The following MSRA variants were observed in gnomAD, a reference collection of about 807,000 sequenced individuals.
MSRA encodes mitochondrial peptide methionine sulfoxide reductase.
In MSRA, 54 loss-of-function variants were observed where a neutral mutation model predicts 31.3. The observed-to-expected ratio is 1.73, with a 90% CI of 1.39 to 2.17. The LOEUF (loss-of-function observed/expected upper bound fraction) is 2.17. MSRA is among the 30% of genes most tolerant of loss of function. The probability of loss-of-function intolerance (pLI) is 0.00; values close to 1 mark genes in which losing one functional copy is unlikely to be tolerated. For synonymous variants in MSRA, 169 were observed against 116.5 expected, an observed-to-expected ratio of 1.45 and a Z score of -2.90; for missense variants, 507 against 300.9, an observed-to-expected ratio of 1.69 and a Z score of -5.07.
intron 5 of MSRA, among the ~76,000 whole-genome samples, chr8:10,397,635 G>A (rs1807180317): frequency 1.3e-5 from 2 of 152,220 alleles, no homozygotes; most frequent in Non-Finnish European, 2.9e-5. Context: ...AACAGGTGAT[G>A]TCTGCTTTGG....
At chr8:10,387,871 A>G (rs1218423629) in intron 5 of MSRA, among the ~76,000 whole-genome samples, 1 of 152,180 alleles carries the variant, frequency 6.6e-6, no homozygotes, top group Non-Finnish European at 1.5e-5. Context: ...AAGGTGGTTT[A>G]GAAAGTCTTT....
chr8:10,264,410 T>G (rs1798637779), intron 3 of MSRA, among the ~76,000 whole-genome samples: 1 of 152,266 alleles, frequency 6.6e-6, no homozygotes, highest in African/African-American at 2.4e-5. Context: ...TATATTTGAT[T>G]CTAGGTCTTT....
chr8:10,367,785 GC>G (rs1176393013), intron 5 of MSRA, among the ~76,000 whole-genome samples: 1 of 152,244 alleles, frequency 6.6e-6, no homozygotes, highest in African/African-American at 2.4e-5. Context: ...AGTCTGAAGT[GC>G]CTTCACCCAC....
At chr8:10,165,074 A>G (rs1172994797) in intron 1 of MSRA, among the ~76,000 whole-genome samples, 2 of 152,192 alleles carry the variant, frequency 1.3e-5, no homozygotes, top group Non-Finnish European at 2.9e-5. Context: ...CAATTAAATC[A>G]GACTCTTGGA....
intron 5 of MSRA, among the ~76,000 whole-genome samples, chr8:10,367,479 T>C (rs1436418051): frequency 1.3e-5 from 2 of 152,194 alleles, no homozygotes; most frequent in Non-Finnish European, 2.9e-5. Flanking sequence ...ATATCCCTCA[T>C]GGATAAGGAG....
At chr8:10,067,998 G>T (rs768115810) in intron 1 of MSRA, among the ~76,000 whole-genome samples, 2 of 147,124 alleles carry the variant, frequency 1.4e-5, no homozygotes, top group Admixed American at 7.1e-5. Context: ...ATACTCATGC[G>T]TCAGCTTCCT....
intron 1 of MSRA, among the ~76,000 whole-genome samples, chr8:10,160,242 C>T (rs1252344465): frequency 6.6e-6 from 1 of 152,082 alleles, no homozygotes; most frequent in Non-Finnish European, 1.5e-5. Flanking sequence ...CTCACACCTG[C>T]TCAGCACTTT....
chr8:10,295,896 G>C (rs535212982), intron 3 of MSRA, among the ~76,000 whole-genome samples: 1 of 152,326 alleles, frequency 6.6e-6, no homozygotes, highest in South Asian at 2.1e-4. Flanking sequence ...AGGGAGGCAA[G>C]ATTCCAGCCT....
chr8:10,154,071 A>C (rs947341114), intron 1 of MSRA, among the ~76,000 whole-genome samples: 2 of 152,192 alleles, frequency 1.3e-5, no homozygotes, highest in African/African-American at 4.8e-5. Context: ...AGTGGAGAAG[A>C]GGAAATAATA....
At chr8:10,323,745 C>CGTGTGTGTGTGTGTGTGTGTGTGTGTGT (rs10643873) in intron 5 of MSRA, among the ~76,000 whole-genome samples, 8 of 142,608 alleles carry the variant, frequency 5.6e-5, no homozygotes, top group Admixed American at 1.4e-4. Flanking sequence ...GAATTAAATA[C>CGTGTGTGTGTGTGTGTGTGTGTGTGTGT]GTGTGTGTGT....
At chr8:10,200,817 C>A (rs987240632) in intron 1 of MSRA, among the ~76,000 whole-genome samples, 2 of 152,292 alleles carry the variant, frequency 1.3e-5, no homozygotes, top group Middle Eastern at 6.8e-3. Context: ...GCATGTATGA[C>A]TAGAGGCGTG....
At chr8:10,300,214 CTT>C (rs1270354769) in intron 3 of MSRA, among the ~76,000 whole-genome samples, 50 of 151,704 alleles carry the variant, frequency 3.3e-4, no homozygotes, top group Middle Eastern at 3.5e-3. Context: ...ATTGATAGTG[CTT>C]ATGTGGCAGT....
chr8:10,059,624 C>G (rs1377080859), intron 1 of MSRA, among the ~76,000 whole-genome samples: 1 of 152,132 alleles, frequency 6.6e-6, no homozygotes, highest in Non-Finnish European at 1.5e-5. Context: ...TAGATTATAT[C>G]ACAGTAAAAA....
At chr8:10,209,289 T>G (rs1214548510) in intron 2 of MSRA, among the ~76,000 whole-genome samples, 1 of 152,220 alleles carries the variant, frequency 6.6e-6, no homozygotes, top group African/African-American at 2.4e-5. Context: ...TATTTATTTA[T>G]TTTCCAGTCT....
intron 1 of MSRA, among the ~76,000 whole-genome samples, chr8:10,189,589 G>A (rs1229113594): frequency 6.6e-6 from 1 of 152,136 alleles, no homozygotes; most frequent in Non-Finnish European, 1.5e-5. Flanking sequence ...CATTTATTGA[G>A]TTGATCAGAT....
chr8:10,383,304 A>G (rs553205175), intron 5 of MSRA, among the ~76,000 whole-genome samples: 1 of 152,178 alleles, frequency 6.6e-6, no homozygotes, highest in Admixed American at 6.5e-5. Context: ...GTCAGCATGC[A>G]AAGTGGGGTG....
rs562650784 is a variant in MSRA, at chr8:10,375,059, C to T, written c.544-53089C>T. ...AAGCCAAACAGATGCTGGTGCTATG[C>T]TTGTGCAGCCTGCAGAACCGTGAGC... On this transcript the variant is annotated intron_variant, in intron 5 of 5. Transcript: ENST00000317173. Among the ~76,000 whole-genome samples, 48 of 152,318 alleles carry T rather than the reference C, an allele frequency of 3.2e-4. 1 individual carries two copies. The South Asian group carries it at 9.1e-3, about 29-fold the overall frequency.
At chr8:10,192,266 A>G (rs1436039953) in intron 1 of MSRA, among the ~76,000 whole-genome samples, 1 of 152,226 alleles carries the variant, frequency 6.6e-6, no homozygotes, top group Non-Finnish European at 1.5e-5. Flanking sequence ...ATTAAGCTCC[A>G]CTTCTTGACA....
chr8:10,186,807 G>GT, intron 1 of MSRA, among the ~76,000 whole-genome samples: 2 of 152,174 alleles, frequency 1.3e-5, no homozygotes, highest in East Asian at 1.9e-4. Context: ...TGCTGCTATT[G>GT]TTTTTTTCAG....
Sources: gnomAD v4.1 joint callset for allele counts (sites outside exome capture counted in the v4.1 genomes callset) on GRCh38, gnomAD v4.1.1 for gene constraint, MANE v1.5 for transcripts, NCBI Gene and HGNC (gene_info 2026-07-23, HGNC 2026-07-21) for gene names.